The following RIMS2 variants were observed in gnomAD, a reference collection of about 807,000 sequenced individuals.
The protein encoded by RIMS2 is regulating synaptic membrane exocytosis protein 2.
In RIMS2, 59 loss-of-function variants were observed where a neutral mutation model predicts 174.4. That is an observed-to-expected ratio of 0.34 (90% CI 0.27 to 0.42). The LOEUF is 0.42. Among genes scored for constraint, RIMS2 ranks in the 10% least tolerant of loss-of-function variants. The probability of loss-of-function intolerance (pLI) is 1.00; values close to 1 mark genes in which losing one functional copy is unlikely to be tolerated. For synonymous variants in RIMS2, 606 were observed against 572.5 expected, an observed-to-expected ratio of 1.06 and a Z score of -0.84; for missense variants, 1,620 against 1,666.3, an observed-to-expected ratio of 0.97 and a Z score of 0.48.
chr8:104,169,305 T>TATAC (rs1491312447), intron 19 of RIMS2, among the ~76,000 whole-genome samples: 4 of 26,014 alleles, frequency 1.5e-4, no homozygotes, highest in African/African-American at 1.5e-3. Context: ...TGTTGTTGGC[T>TATAC]ATATATATAT....
At chr8:103,997,653 C>T (rs1230905834) in intron 17 of RIMS2, among the ~76,000 whole-genome samples, 3 of 151,138 alleles carry the variant, frequency 2.0e-5, no homozygotes, top group Non-Finnish European at 4.4e-5. Flanking sequence ...TGAATAGCAC[C>T]CAATAAATTT....
chr8:103,843,351 A>G (rs952172676), intron 3 of RIMS2, among the ~76,000 whole-genome samples: 5 of 152,130 alleles, frequency 3.3e-5, no homozygotes, highest in Admixed American at 1.3e-4. Flanking sequence ...AGTTCAAGCA[A>G]TCCCCCTGCC....
chr8:103,785,945 A>C (rs2098439452), intron 3 of RIMS2, among the ~76,000 whole-genome samples: 1 of 152,210 alleles, frequency 6.6e-6, no homozygotes, highest in Non-Finnish European at 1.5e-5. Flanking sequence ...CCACAATTTC[A>C]GATCCTGTTA....
intron 19 of RIMS2, among the ~76,000 whole-genome samples, chr8:104,176,030 T>TTC (rs931934895): frequency 1.3e-5 from 2 of 152,058 alleles, no homozygotes; most frequent in Non-Finnish European, 2.9e-5. Context: ...CATATTCTCA[T>TTC]TCTCTCTCTC....
chr8:104,057,979 T>A (rs1448990385), intron 19 of RIMS2, among the ~76,000 whole-genome samples: 2 of 152,144 alleles, frequency 1.3e-5, no homozygotes, highest in Non-Finnish European at 2.9e-5. Flanking sequence ...TGTTGGACAT[T>A]TGGGTTGGTT....
intron 19 of RIMS2, among the ~76,000 whole-genome samples, chr8:104,035,203 A>G (rs1255300242): frequency 2.6e-5 from 4 of 151,984 alleles, no homozygotes; most frequent in Admixed American, 2.0e-4. Context: ...TGTTATTGCA[A>G]CTGAAACCAT....
intron 2 of RIMS2, among the ~76,000 whole-genome samples, chr8:103,755,198 G>T (rs976359063): frequency 1.3e-5 from 2 of 152,160 alleles, no homozygotes; most frequent in African/African-American, 2.4e-5. Context: ...AATTTAGTTT[G>T]ACTGGATATG....
At chr8:103,612,484 G>A (rs541246630) in intron 1 of RIMS2, among the ~76,000 whole-genome samples, 9 of 152,312 alleles carry the variant, frequency 5.9e-5, no homozygotes, top group South Asian at 2.1e-4. Flanking sequence ...CAATACCACC[G>A]TGGTTCTTGC....
chr8:103,508,258 A>G (rs542141657), intron 1 of RIMS2, among the ~76,000 whole-genome samples: 1 of 152,226 alleles, frequency 6.6e-6, no homozygotes, highest in Non-Finnish European at 1.5e-5. Context: ...AAAATTTTGC[A>G]TGGTAAGTAC....
intron 4 of RIMS2, among the ~76,000 whole-genome samples, chr8:103,895,349 T>G (rs2099271628): frequency 6.6e-6 from 1 of 151,530 alleles, no homozygotes; most frequent in South Asian, 2.1e-4. Flanking sequence ...TTCTGGAGGT[T>G]GGGAAGTTTG....
chr8:104,169,018 T>C (rs1419661194), intron 19 of RIMS2, among the ~76,000 whole-genome samples: 1 of 152,094 alleles, frequency 6.6e-6, no homozygotes, highest in Non-Finnish European at 1.5e-5. Context: ...TAGTGTATTA[T>C]CTTTTTGATA....
intron 2 of RIMS2, among the ~76,000 whole-genome samples, chr8:103,755,939 A>G (rs1011710089): frequency 6.6e-6 from 1 of 152,128 alleles, no homozygotes; most frequent in Admixed American, 6.5e-5. Context: ...AACTCATCAA[A>G]GTCATTCTCT....
At chr8:103,593,797 ATTT>A (rs2094368658) in intron 1 of RIMS2, among the ~76,000 whole-genome samples, 1 of 151,382 alleles carries the variant, frequency 6.6e-6, no homozygotes, top group Non-Finnish European at 1.5e-5. Context: ...CATGCAATGG[ATTT>A]ATTATTAATA....
intron 17 of RIMS2, among the ~76,000 whole-genome samples, chr8:104,003,630 T>C (rs761146502): frequency 2.0e-5 from 3 of 152,274 alleles, no homozygotes; most frequent in Non-Finnish European, 4.4e-5. Context: ...GCCAGGCTAG[T>C]CTCGAACTCC....
chr8:103,955,806 A>G (rs1034699565), intron 14 of RIMS2, among the ~76,000 whole-genome samples: 11 of 152,224 alleles, frequency 7.2e-5, no homozygotes, highest in African/African-American at 2.7e-4. Flanking sequence ...AAGAGAAGTC[A>G]GATTATCTCT....
At chr8:103,905,256 T>C (rs1258115786) in intron 4 of RIMS2, among the ~76,000 whole-genome samples, 1 of 152,082 alleles carries the variant, frequency 6.6e-6, no homozygotes, top group Admixed American at 6.5e-5. Flanking sequence ...GAACTTCCTT[T>C]AGTTATTTTT....
chr8:103,639,525 C>T (rs546432159), intron 1 of RIMS2, among the ~76,000 whole-genome samples: 1 of 152,026 alleles, frequency 6.6e-6, no homozygotes, highest in South Asian at 2.1e-4. Flanking sequence ...CCCAGAATGT[C>T]ATATAAATTG....
chr8:103,894,530 A>G (rs1404921161), intron 4 of RIMS2, among the ~76,000 whole-genome samples: 2 of 151,582 alleles, frequency 1.3e-5, no homozygotes, highest in African/African-American at 4.9e-5. Context: ...ATTAGATTAT[A>G]TGTTTATCAA....
Position 103,815,218 on chromosome 8 carries a change from T to C in RIMS2, c.698+48681T>C, listed in dbSNP as rs185419732. On this transcript the variant is annotated intron_variant, in intron 3 of 23. Coordinates refer to ENST00000504942, the Ensembl canonical transcript of RIMS2. ...TACTACTAAATATTTCTCAAAATGT[T>C]GTACCAATGTACACTCCTACCAATA... Among the ~76,000 whole-genome samples, 26 of 152,316 alleles carry C rather than the reference T, an allele frequency of 1.7e-4. No individual in the cohort carries two copies. The East Asian group carries it at 3.3e-3, about 19-fold the overall frequency.
Sources: allele counts gnomAD v4.1 joint callset (sites outside exome capture counted in the v4.1 genomes callset), GRCh38; gene constraint gnomAD v4.1.1; transcripts MANE v1.5; gene names NCBI Gene and HGNC (gene_info 2026-07-23, HGNC 2026-07-21).